COBL: variants seen among roughly 807,000 people sequenced by gnomAD.
COBL encodes cordon-bleu WH2 repeat protein.
In COBL, 51 loss-of-function variants were observed where a neutral mutation model predicts 98.8. The ratio of observed to expected loss-of-function variants is 0.52; its 90% CI spans 0.41 to 0.65. COBL has a LOEUF of 0.65. COBL is among the 30% of genes least tolerant of loss of function. COBL has a pLI of 0.00. For synonymous variants in COBL, 634 were observed against 651.7 expected, an observed-to-expected ratio of 0.97 and a Z score of 0.41; for missense variants, 1,617 against 1,617.5, an observed-to-expected ratio of 1.00 and a Z score of 0.01.
chr7:51,266,765 T>C (rs1027219167), intron 1 of COBL, among the ~76,000 whole-genome samples: 6 of 152,088 alleles, frequency 3.9e-5, no homozygotes, highest in Non-Finnish European at 5.9e-5. Context: ...ACAGTTTTTT[T>C]CCACATGTTT....
At chr7:51,025,627 A>G (rs2128867740) in intron 11 of COBL, among the ~76,000 whole-genome samples, 1 of 152,322 alleles carries the variant, frequency 6.6e-6, no homozygotes, top group African/African-American at 2.4e-5. Flanking sequence ...CTCACAAGAT[A>G]CTGAATCTGC....
Position 51,016,599 on chromosome 7 carries a change from C to T in COBL, c.*952G>A, listed in dbSNP as rs1013059822. ...GAGCCAATGAGCTGTTGGACAAACG[C>T]GTCAAGGCTGAACCAAAATTGTGAT... On this transcript the variant is annotated 3_prime_UTR_variant, in exon 13 of 13. Coordinates refer to ENST00000265136, the MANE Select transcript of COBL (RefSeq NM_015198.5). The T allele has an allele frequency of 1.8e-5, 4 of 219,050 alleles. No homozygotes were observed. The highest frequency in any genetic ancestry group is 3.6e-5 in the Non-Finnish European group (4 of 112,300). 13.6% of individuals were successfully genotyped at this position (219,050 alleles called of 1,614,324 possible).
At chr7:51,112,526 T>C (rs1350670493) in intron 6 of COBL, among the ~76,000 whole-genome samples, 6 of 152,212 alleles carry the variant, frequency 3.9e-5, no homozygotes, top group African/African-American at 1.4e-4. Context: ...ATGCATAGGT[T>C]ACAATATTCA....
intron 5 of COBL, among the ~76,000 whole-genome samples, chr7:51,139,361 A>T (rs1344718415): frequency 1.3e-5 from 2 of 152,338 alleles, no homozygotes; most frequent in East Asian, 3.9e-4. Flanking sequence ...GAAAGTCAGA[A>T]GGCGGAAGTG....
intron 6 of COBL, among the ~76,000 whole-genome samples, chr7:51,126,211 C>T (rs2128995379): frequency 6.6e-6 from 1 of 152,250 alleles, no homozygotes; most frequent in Admixed American, 6.5e-5. Context: ...GCCTGCAATC[C>T]CAGCAGTATG....
chr7:51,207,237 AT>A lies in COBL; in HGVS notation c.245+12503del, dbSNP rs199763616. On this transcript the variant is annotated intron_variant, in intron 2 of 12. Transcript: ENST00000265136. ...CCAATAGGTACTTGGTACAGCGGAC[AT>A]TTTTTTTTTTTTTTGGTTAAGGAAA... Among the ~76,000 whole-genome samples the A allele has an allele frequency of 6.8e-3, 971 of 143,044 alleles. 4 individuals are homozygous for A. Among genetic ancestry groups the A allele is most frequent in the East Asian group, 0.026 (131 of 4,948 alleles). 93.8% of individuals were successfully genotyped at this position (143,044 alleles called of 152,430 possible). A position where few individuals can be genotyped will look rare whatever the true frequency, so the allele number is the denominator to read the frequency against.
intron 6 of COBL, among the ~76,000 whole-genome samples, chr7:51,087,256 G>C (rs1054127104): frequency 3.9e-5 from 6 of 152,006 alleles, no homozygotes; most frequent in Non-Finnish European, 8.8e-5. Context: ...TTTAGTTATA[G>C]TAGATATCAA....
intron 7 of COBL, among the ~76,000 whole-genome samples, chr7:51,081,355 A>G (rs1352570382): frequency 6.6e-6 from 1 of 152,204 alleles, no homozygotes; most frequent in Non-Finnish European, 1.5e-5. Context: ...GGAGTTGGCA[A>G]GAGGGCACAA....
intron 8 of COBL, among the ~76,000 whole-genome samples, chr7:51,036,336 CAAAAA>C (rs59610375): frequency 2.1e-5 from 2 of 94,216 alleles, no homozygotes; most frequent in African/African-American, 8.7e-5. Flanking sequence ...GACTCCGTCT[CAAAAA>C]AAAAAAAAAA....
chr7:51,109,790 A>C (rs1201543813), intron 6 of COBL, among the ~76,000 whole-genome samples: 1 of 152,206 alleles, frequency 6.6e-6, no homozygotes, highest in Non-Finnish European at 1.5e-5. Context: ...AGGGGAAGAC[A>C]GAAAGAAACC....
intron 6 of COBL, among the ~76,000 whole-genome samples, chr7:51,129,913 C>T (rs1183059741): frequency 6.6e-6 from 1 of 152,128 alleles, no homozygotes; most frequent in East Asian, 1.9e-4. Flanking sequence ...GAAGATTCTC[C>T]AGGGTAGAGG....
At chr7:51,259,666 T>C in intron 1 of COBL, 2 of 735,828 alleles carry the variant, frequency 2.7e-6, no homozygotes, top group South Asian at 1.4e-5. Flanking sequence ...CTGTGTTGTC[T>C]GTCTGAGGGA....
intron 12 of COBL, among the ~76,000 whole-genome samples, chr7:51,019,636 C>T (rs1485786132): frequency 2.6e-5 from 4 of 152,170 alleles, no homozygotes; most frequent in African/African-American, 9.7e-5. Context: ...GAGGCTCCTC[C>T]CCGTTCTACC....
At chr7:51,032,499 TG>T (rs1362336386) in intron 8 of COBL, 1 of 152,222 alleles carries the variant, frequency 6.6e-6, no homozygotes, top group African/African-American at 2.4e-5. Flanking sequence ...GCCCAGATAA[TG>T]ATGCATGAAA....
intron 9 of COBL, 85 bp downstream of exon 9, chr7:51,030,727 C>T (rs1374737031): frequency 1.2e-6 from 1 of 867,738 alleles, no homozygotes; most frequent in East Asian, 2.4e-5. Context: ...CACATAGATA[C>T]ATCAAAGTAT....
chr7:51,263,811 T>C (rs1797934227), intron 1 of COBL, among the ~76,000 whole-genome samples: 1 of 152,204 alleles, frequency 6.6e-6, no homozygotes, highest in South Asian at 2.1e-4. Flanking sequence ...AACACTTTCT[T>C]GGCAACTACT....
At chr7:51,055,191 A>G (rs1396198582) in intron 7 of COBL, among the ~76,000 whole-genome samples, 3 of 152,172 alleles carry the variant, frequency 2.0e-5, no homozygotes, top group Non-Finnish European at 4.4e-5. Flanking sequence ...TCCCTCCTCC[A>G]TGAGGTTGGT....
At position 51,193,598 on chromosome 7, in the gene COBL, A is replaced by G. The variant is rs757905471; in HGVS notation, c.246-9T>C. 7 of 1,612,586 alleles carry G rather than the reference A, an allele frequency of 4.3e-6. No individual in the cohort carries two copies. The African/African-American group carries it at 5.3e-5, about 12-fold the overall frequency. The stretch of plus-strand genomic sequence containing the variant: ...GGTCCATCATCGCATGGCTGAAAAA[A>G]GGAAAACAAATCATGATTATTAGGA... On this transcript the variant is annotated splice_polypyrimidine_tract_variant and intron_variant, in intron 2 of 12. Transcript: ENST00000265136.
At chr7:51,068,334 C>G (rs1792168087) in intron 7 of COBL, among the ~76,000 whole-genome samples, 1 of 152,200 alleles carries the variant, frequency 6.6e-6, no homozygotes, top group East Asian at 1.9e-4. Flanking sequence ...GACCAGCTTT[C>G]TTTCTCCTCA....
Sources: gnomAD v4.1 joint callset for allele counts (sites outside exome capture counted in the v4.1 genomes callset) on GRCh38, gnomAD v4.1.1 for gene constraint, MANE v1.5 for transcripts, NCBI Gene and HGNC (gene_info 2026-07-23, HGNC 2026-07-21) for gene names.